The following DIP2A variants were observed in gnomAD, a reference collection of about 807,000 sequenced individuals.
The protein encoded by DIP2A is disco-interacting protein 2 homolog A.
Under a neutral mutation model 177.4 loss-of-function variants are expected in DIP2A, and 85 were observed. That is an observed-to-expected ratio of 0.48 (90% CI 0.40 to 0.57). The LOEUF is 0.57. Among genes scored for constraint, DIP2A ranks in the 20% least tolerant of loss-of-function variants. DIP2A has a pLI of 0.00. For missense variants in DIP2A, 1,791 were observed against 2,100.2 expected (o/e 0.85, Z 2.88); for synonymous variants, 886 against 881.8 (o/e 1.00, Z -0.08).
Position 46,547,222 on chromosome 21 carries a change from T to C in DIP2A, c.2522+180T>C, listed in dbSNP as rs189756078. 3.3e-5 allele frequency: 46 copies of C among 1,394,230 alleles called. No individual in the cohort carries two copies. The African/African-American group carries it at 6.0e-4, about 18-fold the overall frequency. 86.4% of individuals were successfully genotyped at this position (1,394,230 alleles called of 1,614,324 possible). ...TGCAGCAATGATACCAGAGTTAATA[T>C]CCTTACTGTCCAAAGAGTTCCTTGG... On this transcript the variant is annotated intron_variant, in intron 21 of 37. Transcript: ENST00000417564.
At chr21:46,546,184 C>T (rs1413164532) in intron 20 of DIP2A, 24 of 1,321,314 alleles carry the variant, frequency 1.8e-5, no homozygotes, top group Admixed American at 6.6e-5. Flanking sequence ...AGTCGGGGGT[C>T]CCCGGGGTGG....
chr21:46,545,996 A>G (rs201744842), intron 20 of DIP2A, 35 bp downstream of exon 20: 103 of 1,613,658 alleles, frequency 6.4e-5, no homozygotes, highest in Admixed American at 6.7e-5. Flanking sequence ...ACTGGCAGTC[A>G]GAGAAGGTAG....
chr21:46,474,836 G>A (rs1029525342), intron 1 of DIP2A, among the ~76,000 whole-genome samples: 1 of 152,136 alleles, frequency 6.6e-6, no homozygotes, highest in East Asian at 1.9e-4. Flanking sequence ...AAATTGGAAC[G>A]GTGGATCAGA....
chr21:46,466,640 C>A (rs1249466850), intron 1 of DIP2A, among the ~76,000 whole-genome samples: 3 of 151,892 alleles, frequency 2.0e-5, no homozygotes, highest in Non-Finnish European at 2.9e-5. Flanking sequence ...GCCACCACTC[C>A]CGGCCACAAC....
intron 3 of DIP2A, among the ~76,000 whole-genome samples, chr21:46,494,225 A>T (rs1284570273): frequency 6.6e-6 from 1 of 152,224 alleles, no homozygotes. Context: ...TACACATTGC[A>T]GTTGGTTGGT....
At position 46,556,959 on chromosome 21, in the gene DIP2A, C is replaced by T. The variant is rs753444304; in HGVS notation, c.3519C>T (p.Ser1173=). Residue 1173 remains serine (S), a synonymous_variant, in exon 30 of 38, where the codon AGC becomes AGT. Transcript: ENST00000417564. This position sits in a 1 kb window ranked among gnomAD's most constrained non-coding sequence, Gnocchi z 4.5. ...TTAAGATGTCGCACGCGGCCACAAG[C>T]GCCTTATGCCGCTCCATAAAGCTGC... ...AGVKMSHAAT[S]ALCRSIKLQC... The T allele has an allele frequency of 1.5e-5, 24 of 1,580,116 alleles. No individual in the cohort carries two copies. Among genetic ancestry groups the T allele is most frequent in the Middle Eastern group, 1.7e-4 (1 of 5,936 alleles).
At chr21:46,561,141 C>A (rs755570087) in intron 33 of DIP2A, 1 of 650,532 alleles carries the variant, frequency 1.5e-6, no homozygotes, top group Non-Finnish European at 2.1e-6. Context: ...GGGACAGGGA[C>A]AGAGAGAAGA....
chr21:46,546,371 C>CA (rs1275175774), intron 20 of DIP2A: 1 of 988,330 alleles, frequency 1.0e-6, no homozygotes, highest in Non-Finnish European at 1.2e-6. Context: ...GGACTTCTGG[C>CA]AACTTTTGAA....
At chr21:46,574,315 T>C (rs1205884267), downstream of DIP2A, among the ~76,000 whole-genome samples, 2 of 152,032 alleles carry the variant, frequency 1.3e-5, no homozygotes, top group African/African-American at 2.4e-5. Flanking sequence ...TACCAAAACT[T>C]ATGGGACCCA....
chr21:46,545,239 A>C lies in DIP2A; in HGVS notation c.2279A>C (p.Tyr760Ser). Residue 760 changes from tyrosine (Y) to serine (S), a missense_variant, in exon 19 of 38, where the codon TAT (tyrosine) becomes TCT (serine). By Grantham distance (144) the Tyr-to-Ser change is moderately radical. Transcript: ENST00000417564. ...VSSSATGTAY[Y>S]GLLGITKNVF... ...TCCAGTGCAACTGGCACAGCGTACT[A>C]TGGATTGCTTGGAATCACGAAGAAT... 2 of 1,604,608 alleles carry C rather than the reference A, an allele frequency of 1.2e-6. No homozygotes were observed. Among genetic ancestry groups the C allele is most frequent in the South Asian group, 2.2e-5 (2 of 90,402 alleles).
intron 26 of DIP2A, 132 bp from the exon 27 acceptor site, chr21:46,554,443 C>T: frequency 6.5e-7 from 1 of 1,539,456 alleles, no homozygotes; most frequent in Admixed American, 1.8e-5. Context: ...GCTCAGCTAC[C>T]CCTGTGGAAA....
chr21:46,459,122 C>T lies in DIP2A; in HGVS notation c.-10C>T, dbSNP rs1251615765. 6 of 1,487,274 alleles carry T rather than the reference C, an allele frequency of 4.0e-6. No homozygotes were observed. The highest frequency in any genetic ancestry group is 4.5e-6 in the Non-Finnish European group (5 of 1,121,442). 92.1% of individuals were successfully genotyped at this position (1,487,274 alleles called of 1,614,324 possible). On this transcript the variant is annotated 5_prime_UTR_variant, in exon 1 of 38. Transcript: ENST00000417564. Reference sequence around the variant, plus strand: ...TTCCAGCCTCTGCCCGGACGCTAGCCGGCCTGGCCATGGCTGACCGCGGGT... The same window carrying T: ...TTCCAGCCTCTGCCCGGACGCTAGCTGGCCTGGCCATGGCTGACCGCGGGT...
chr21:46,550,499 C>T, intron 22 of DIP2A, 44 bp from the exon 23 acceptor site: 1 of 1,575,058 alleles, frequency 6.3e-7, no homozygotes, highest in Non-Finnish European at 8.6e-7. Flanking sequence ...ATCTCCCCAG[C>T]CTCAAGTTGG....
chr21:46,572,542 A>T (rs2060975850), downstream of DIP2A, among the ~76,000 whole-genome samples: 1 of 152,186 alleles, frequency 6.6e-6, no homozygotes, highest in Non-Finnish European at 1.5e-5. Flanking sequence ...TTAATGGATT[A>T]TCATGGGAAT....
intron 2 of DIP2A, among the ~76,000 whole-genome samples, chr21:46,485,997 G>C (rs977359655): frequency 6.6e-6 from 1 of 150,570 alleles, no homozygotes; most frequent in Non-Finnish European, 1.5e-5. Context: ...CTTGAACCTG[G>C]GAGGTGGAGG....
rs1290438719 is a variant in DIP2A at position 46,537,852 on chromosome 21, G to C, written c.1801+313G>C. 6.6e-6 allele frequency among the ~76,000 whole-genome samples: 1 copy of C among 152,214 alleles called. No individual in the cohort carries two copies. Among genetic ancestry groups the C allele is most frequent in the Non-Finnish European group, 1.5e-5 (1 of 68,044 alleles). ...GCCCCAGCATGGCCACACCTGCACA[G>C]TTGGCAGTCTGTGTCTCTGCCCTGT... On this transcript the variant is annotated intron_variant, in intron 15 of 37. Coordinates refer to ENST00000417564, the MANE Select transcript of DIP2A (RefSeq NM_015151.4). The surrounding 1 kb of genome is among the most constrained non-coding windows in gnomAD (Gnocchi z 4.1).
chr21:46,562,022 C>A, intron 34 of DIP2A: 2 of 788,584 alleles, frequency 2.5e-6, no homozygotes, highest in Non-Finnish European at 3.1e-6. Flanking sequence ...AGCTCAAAGC[C>A]AAGAAAGGGA....
At position 46,538,522 on chromosome 21, in the gene DIP2A, C is replaced by T; in HGVS notation, c.1841C>T (p.Ser614Phe). The T allele has an allele frequency of 6.4e-7, 1 of 1,558,186 alleles. No homozygotes were observed. The highest frequency in any genetic ancestry group is 8.7e-7 in the Non-Finnish European group (1 of 1,153,960). The change falls in exon 16 of 38, where the codon TCT (serine) becomes TTT (phenylalanine). Residue 614 changes from serine to phenylalanine, a missense_variant. Physicochemically the swap from Ser to Phe is radical, Grantham distance 155. Transcript: ENST00000417564. ...ALVKSRDMHW[S>F]LLAQRGQRDV... Reference sequence around the variant, plus strand: ...GTGAAGTCGCGAGACATGCACTGGTCTCTCCTAGCTCAGCGGGGCCAGAGG... The same window carrying T: ...GTGAAGTCGCGAGACATGCACTGGTTTCTCCTAGCTCAGCGGGGCCAGAGG...
rs28412251 is a variant in DIP2A at position 46,530,641 on chromosome 21, A to G, written c.1194+1458A>G. Among the ~76,000 whole-genome samples the G allele has an allele frequency of 6.4e-3, 978 of 152,344 alleles. 12 individuals carry two copies. The highest frequency in any genetic ancestry group is 0.023 in the African/African-American group (939 of 41,572). On this transcript the variant is annotated intron_variant, in intron 9 of 37. Transcript: ENST00000417564. Reference sequence around the variant, plus strand: ...AAGAAGACACAACACCTGACTGATAACTGGAGTCGAGAAAGAGAAAGGAGA... The same window carrying G: ...AAGAAGACACAACACCTGACTGATAGCTGGAGTCGAGAAAGAGAAAGGAGA...
Sources: allele counts gnomAD v4.1 joint callset (sites outside exome capture counted in the v4.1 genomes callset), GRCh38; gene constraint gnomAD v4.1.1; non-coding constraint Gnocchi (gnomAD v3.1); transcripts MANE v1.5; gene names NCBI Gene and HGNC (gene_info 2026-07-23, HGNC 2026-07-21).